Variants in HMGXB3 observed in about 807,000 individuals in gnomAD.
HMGXB3 encodes the protein HMG-box containing 3.
A neutral mutation model predicts 121.5 loss-of-function variants in HMGXB3; 45 were observed. The observed-to-expected ratio is 0.37, with a 90% confidence interval of 0.29 to 0.47. The LOEUF is 0.47. Among genes scored for constraint, HMGXB3 ranks in the 20% least tolerant of loss-of-function variants. The pLI is 0.99. For missense variants in HMGXB3, 1,376 were observed against 1,602.2 expected (o/e 0.86, Z 2.41); for synonymous variants, 590 against 624.1 (o/e 0.95, Z 0.81).
At chr5:150,004,789 G>A in intron 1 of HMGXB3, 62 bp from the exon 2 acceptor site, 3 of 1,163,140 alleles carry the variant, frequency 2.6e-6, no homozygotes, top group Non-Finnish European at 1.2e-6. Flanking sequence ...ATTTGATCAG[G>A]AAGCTGCTGC....
intron 13 of HMGXB3, 148 bp downstream of exon 13, chr5:150,037,675 C>A: frequency 8.3e-6 from 5 of 601,242 alleles, no homozygotes; most frequent in Non-Finnish European, 1.2e-5. Context: ...ATGTCTTAGT[C>A]CCACAAGATG....
chr5:150,047,794 T>G (rs762266148), intron 17 of HMGXB3, 37 bp downstream of exon 17: 1 of 1,550,244 alleles, frequency 6.5e-7, no homozygotes, highest in African/African-American at 1.4e-5. Context: ...TCGGGGCTTC[T>G]GGAGTAGGCT....
chr5:150,051,134 A>C (rs1756878683), intron 19 of HMGXB3, among the ~76,000 whole-genome samples: 1 of 152,252 alleles, frequency 6.6e-6, no homozygotes, highest in African/African-American at 2.4e-5. Flanking sequence ...TCCGGGTCCC[A>C]CAGCAGATTA....
rs79467916 is a variant in HMGXB3 at position 150,029,330 on chromosome 5, GT to G, written c.1735-1395del. Among the ~76,000 whole-genome samples the G allele has an allele frequency of 3.0e-3, 421 of 139,446 alleles. 1 individual carries two copies. The highest frequency in any genetic ancestry group is 8.7e-3 in the East Asian group (42 of 4,842). The allele number at this position is 139,446 out of a possible 152,430, so 91.5% of individuals were successfully genotyped here. ...TATATGTAGCTAGAATAGTTATCAA[GT>G]TTTTTTTTTTTTTTTCATGTCAAAT... On this transcript the variant is annotated intron_variant, in intron 9 of 19. Coordinates refer to ENST00000502717, the MANE Select transcript of HMGXB3 (RefSeq NM_014983.3).
rs375894922 is a variant in HMGXB3, at chr5:150,028,448, GTA to G, written c.1734+1341_1734+1342del. On this transcript the variant is annotated intron_variant, in intron 9 of 19. Coordinates refer to ENST00000502717, the MANE Select transcript of HMGXB3 (RefSeq NM_014983.3). Reference sequence around the variant, plus strand: ...TGTATATATATATATGTATGTGTGTGTATATATATATGTATATATATGTGTGT... The same window carrying G: ...TGTATATATATATATGTATGTGTGTGTATATATATGTATATATATGTGTGT... Among the ~76,000 whole-genome samples the G allele has an allele frequency of 1.5e-3, 207 of 140,184 alleles. 2 individuals are homozygous for G. The South Asian group carries it at 0.035, about 23-fold the overall frequency. 92.0% of individuals were successfully genotyped at this position (140,184 alleles called of 152,430 possible). A position where few individuals can be genotyped will look rare whatever the true frequency, so the allele number is the denominator to read the frequency against.
intron 9 of HMGXB3, among the ~76,000 whole-genome samples, chr5:150,028,388 T>C (rs1012102183): frequency 6.7e-6 from 1 of 149,254 alleles, no homozygotes; most frequent in Non-Finnish European, 1.5e-5. Flanking sequence ...AAGATTTATT[T>C]TCTTTTCACA....
intron 10 of HMGXB3, among the ~76,000 whole-genome samples, chr5:150,031,807 G>A (rs1756387988): frequency 1.3e-5 from 2 of 152,178 alleles, no homozygotes; most frequent in Non-Finnish European, 2.9e-5. Context: ...AAACAAGACA[G>A]CACAATGTGA....
intron 18 of HMGXB3, among the ~76,000 whole-genome samples, chr5:150,049,415 C>CAA (rs1250800246): frequency 2.0e-5 from 3 of 151,694 alleles, no homozygotes; most frequent in Non-Finnish European, 4.4e-5. Flanking sequence ...CGGAAACCCC[C>CAA]CCCCTTAACA....
chr5:150,003,682 C>T (rs1755629530), intron 1 of HMGXB3, among the ~76,000 whole-genome samples: 1 of 151,150 alleles, frequency 6.6e-6, no homozygotes, highest in South Asian at 2.1e-4. Flanking sequence ...CCCAGCAGGG[C>T]ACAGTGTAAT....
intron 11 of HMGXB3, among the ~76,000 whole-genome samples, chr5:150,035,621 C>T (rs1348832823): frequency 1.3e-5 from 2 of 152,088 alleles, no homozygotes; most frequent in African/African-American, 4.8e-5. Context: ...GAATCCTACC[C>T]TTACTGAAGC....
Position 150,051,798 on chromosome 5 carries a change from A to G in HMGXB3, c.3485A>G (p.His1162Arg). Reference sequence around the variant, plus strand: ...ACAGAAACTGAGCACTCTATCCAGCACCCAGTCACCAAGACTGCCACGCGG... The same window carrying G: ...ACAGAAACTGAGCACTCTATCCAGCGCCCAGTCACCAAGACTGCCACGCGG... ...DMTETEHSIQ[H>R]PVTKTATRRI... Residue 1162 changes from histidine (H) to arginine (R), a missense_variant, in exon 20 of 20, where the codon CAC (histidine) becomes CGC (arginine). Around this residue, in one of 2 missense-constraint regions of HMGXB3, gnomAD observed 260 missense variants for 233.2 expected, o/e 1.11. Coordinates refer to ENST00000502717, the MANE Select transcript of HMGXB3 (RefSeq NM_014983.3). 1 of 1,547,250 alleles carries G rather than the reference A, an allele frequency of 6.5e-7. No individual in the cohort carries two copies.
intron 4 of HMGXB3, among the ~76,000 whole-genome samples, chr5:150,011,855 G>A (rs989210034): frequency 5.9e-5 from 9 of 151,772 alleles, no homozygotes; most frequent in African/African-American, 1.9e-4. Flanking sequence ...CAGGTGATCC[G>A]CCCGCCTCGG....
At chr5:150,042,964 A>G (rs59426396) in intron 15 of HMGXB3, among the ~76,000 whole-genome samples, 12,438 of 152,308 alleles carry the variant, frequency 0.082, 1,722 homozygotes, top group African/African-American at 0.29. Flanking sequence ...GGGGCTGAAT[A>G]TACTCATGAA....
At chr5:150,035,159 A>G (rs561155848) in intron 11 of HMGXB3, among the ~76,000 whole-genome samples, 33 of 152,332 alleles carry the variant, frequency 2.2e-4, no homozygotes, top group African/African-American at 7.9e-4. Context: ...TTGTGTTGCT[A>G]TAAAAGAATA....
chr5:150,008,362 G>A (rs1755756954), intron 3 of HMGXB3, among the ~76,000 whole-genome samples: 3 of 152,036 alleles, frequency 2.0e-5, no homozygotes, highest in Admixed American at 2.0e-4. Context: ...TAAAATGGCA[G>A]TAGTCTCTTC....
chr5:150,041,902 G>A lies in HMGXB3; in HGVS notation c.2663G>A (p.Gly888Asp), dbSNP rs1214022541. The A allele has an allele frequency of 1.3e-6, 2 of 1,551,776 alleles. No homozygotes were observed. Among genetic ancestry groups the A allele is most frequent in the Admixed American group, 2.0e-5 (1 of 51,014 alleles). Reference protein sequence around the residue: ...DYNDMICGICGVAPKVEMAQR... With the variant: ...DYNDMICGICDVAPKVEMAQR... Reference sequence around the variant, plus strand: ...AATGACATGATCTGTGGCATCTGTGGTGTGGCCCCCAAAGTGGAAATGGCT... The same window carrying A: ...AATGACATGATCTGTGGCATCTGTGATGTGGCCCCCAAAGTGGAAATGGCT... Residue 888 changes from glycine (G) to aspartate (D), a missense_variant, in exon 15 of 20, where the codon GGT becomes GAT. By Grantham distance (94) the Gly-to-Asp change is moderately conservative. This residue lies in a region of HMGXB3 where 1,116 missense variants were observed against 1,369.0 expected (regional missense o/e 0.82). Coordinates refer to ENST00000502717, the MANE Select transcript of HMGXB3 (RefSeq NM_014983.3).
intron 9 of HMGXB3, chr5:150,030,167 T>C (rs991367118): frequency 3.9e-5 from 6 of 152,316 alleles, no homozygotes; most frequent in African/African-American, 1.4e-4. Flanking sequence ...ATAAGTAAAA[T>C]ATACATTCCT....
chr5:150,043,551 C>T (rs1756687379), intron 15 of HMGXB3, among the ~76,000 whole-genome samples: 1 of 152,148 alleles, frequency 6.6e-6, no homozygotes, highest in Admixed American at 6.5e-5. Context: ...TCTTTTACTT[C>T]CCAAGTAAGA....
Position 150,006,516 on chromosome 5 carries a change from C to T in HMGXB3, c.181C>T (p.Gln61Ter). Reference protein sequence around the residue: ...LYYYDIYLKVQQELPHLPQSE... With the variant: ...LYYYDIYLKV ...CTATTACGACATCTACCTGAAAGTGCAGCAGGAGCTCCCCCACCTCCCTCA... is the reference window on the plus strand; with the variant it reads ...CTATTACGACATCTACCTGAAAGTGTAGCAGGAGCTCCCCCACCTCCCTCA... Residue 61 changes from glutamine to a stop codon, truncating the protein, a stop_gained, in exon 3 of 20, where the codon CAG becomes TAG. Transcript: ENST00000502717. LOFTEE classifies it high-confidence loss of function. The T allele has an allele frequency of 6.4e-7, 1 of 1,551,906 alleles. No homozygotes were observed. The highest frequency in any genetic ancestry group is 8.7e-7 in the Non-Finnish European group (1 of 1,147,016).
Sources: gnomAD v4.1 joint callset for allele counts (sites outside exome capture counted in the v4.1 genomes callset) on GRCh38, gnomAD v4.1.1 for gene constraint, gnomAD v4.1.1 regional missense constraint, MANE v1.5 for transcripts, NCBI Gene and HGNC (gene_info 2026-07-23, HGNC 2026-07-21) for gene names.